The following UNC13C variants were observed in gnomAD, a reference collection of about 807,000 sequenced individuals.
UNC13C encodes protein unc-13 homolog C.
In UNC13C, 174 loss-of-function variants were observed where a neutral mutation model predicts 245.4. That is an observed-to-expected ratio of 0.71 (90% CI 0.63 to 0.80). The LOEUF is 0.80. UNC13C is among the 30% of genes least tolerant of loss of function. The pLI is 0.00. For synonymous variants in UNC13C, 992 were observed against 895.1 expected (o/e 1.11, Z -1.93); for missense variants, 2,829 against 2,602.9 (o/e 1.09, Z -1.89).
intron 19 of UNC13C, among the ~76,000 whole-genome samples, chr15:54,459,432 T>C (rs1294091117): frequency 2.6e-5 from 4 of 152,172 alleles, no homozygotes; most frequent in African/African-American, 9.6e-5. Flanking sequence ...TGTATTTGGA[T>C]GTGAAGATCT....
At chr15:53,868,447 T>A in the UNC13C span, among the ~76,000 whole-genome samples, 1 of 152,136 alleles carries the variant, frequency 6.6e-6, no homozygotes, top group Non-Finnish European at 1.5e-5. Context: ...CTTTGCTGGA[T>A]GTGGAGGTGA....
chr15:54,178,917 C>G (rs1011473613), intron 4 of UNC13C, among the ~76,000 whole-genome samples: 23 of 152,096 alleles, frequency 1.5e-4, no homozygotes, highest in Admixed American at 4.6e-4. Flanking sequence ...CTCATGATAT[C>G]TACCAAATTT....
chr15:54,203,582 G>A (rs943516738), intron 4 of UNC13C, among the ~76,000 whole-genome samples: 2 of 146,828 alleles, frequency 1.4e-5, no homozygotes, highest in African/African-American at 5.0e-5. Flanking sequence ...TTCATTGTGT[G>A]TATTCGATAT....
intron 19 of UNC13C, among the ~76,000 whole-genome samples, chr15:54,441,541 A>G (rs943919659): frequency 6.6e-6 from 1 of 152,010 alleles, no homozygotes; most frequent in Non-Finnish European, 1.5e-5. Context: ...ATTGTGTTCC[A>G]TTGTTCTATG....
intron 2 of UNC13C, among the ~76,000 whole-genome samples, chr15:54,133,246 G>A (rs4774686): frequency 0.024 from 3,721 of 151,890 alleles, 153 homozygotes; most frequent in African/African-American, 0.08. Context: ...ACATGTTTCC[G>A]TAGATTACGT....
At chr15:53,967,745 AG>A in the UNC13C span, among the ~76,000 whole-genome samples, 1 of 152,226 alleles carries the variant, frequency 6.6e-6, no homozygotes, top group African/African-American at 2.4e-5. Flanking sequence ...CTTTTGCTTT[AG>A]TGAAGTATTT....
chr15:54,437,869 G>C (rs1890308434), intron 19 of UNC13C, among the ~76,000 whole-genome samples: 1 of 151,876 alleles, frequency 6.6e-6, no homozygotes, highest in Admixed American at 6.6e-5. Context: ...TTTTAAGTAA[G>C]GTACTTACAA....
chr15:54,382,226 C>T (rs975034015), intron 17 of UNC13C, among the ~76,000 whole-genome samples: 3 of 152,076 alleles, frequency 2.0e-5, no homozygotes, highest in African/African-American at 7.2e-5. Context: ...ATATTAATTT[C>T]TGCAGGACAT....
At chr15:54,624,735 A>T (rs900774483) in intron 32 of UNC13C, among the ~76,000 whole-genome samples, 1 of 152,180 alleles carries the variant, frequency 6.6e-6, no homozygotes, top group Non-Finnish European at 1.5e-5. Flanking sequence ...GATGGAGAAG[A>T]TTCTGTATCA....
intron 2 of UNC13C, among the ~76,000 whole-genome samples, chr15:54,132,074 C>CTTTTTTTTTCTTTTTCTTTTT (rs6145565): frequency 2.7e-5 from 3 of 110,668 alleles, no homozygotes; most frequent in African/African-American, 6.4e-5. Context: ...TTTTCTTTTT[C>CTTTTTTTTTCTTTTTCTTTTT]TTTTTTTTTT....
At chr15:54,580,953 TA>T (rs1250809745) in intron 30 of UNC13C, among the ~76,000 whole-genome samples, 6 of 152,152 alleles carry the variant, frequency 3.9e-5, no homozygotes, top group Non-Finnish European at 2.9e-5. Context: ...ATCATATATT[TA>T]TTGAACCTGT....
In UNC13C at chr15:54,510,120, A is replaced by G. The variant is rs192191378; in HGVS notation, c.5380-1633A>G. Among the ~76,000 whole-genome samples, 243 of 152,288 alleles carry G rather than the reference A, an allele frequency of 1.6e-3. 1 individual carries two copies. Among genetic ancestry groups the G allele is most frequent in the Middle Eastern group, 0.014 (4 of 294 alleles). The stretch of plus-strand genomic sequence containing the variant: ...AAAGATTAGCTTGAATGTTAATATC[A>G]AATAATCTAAGAAGAGTCTATCAAG... On this transcript the variant is annotated intron_variant, in intron 23 of 32. Coordinates refer to ENST00000260323, the MANE Select transcript of UNC13C (RefSeq NM_001080534.3).
intron 4 of UNC13C, among the ~76,000 whole-genome samples, chr15:54,233,420 C>T (rs2035605097): frequency 6.6e-6 from 1 of 152,162 alleles, no homozygotes; most frequent in African/African-American, 2.4e-5. Context: ...ATAATTTGCT[C>T]ATCCTTGACA....
chr15:54,457,820 C>T (rs184087556), intron 19 of UNC13C, among the ~76,000 whole-genome samples: 1 of 150,186 alleles, frequency 6.7e-6, no homozygotes, highest in East Asian at 1.9e-4. Flanking sequence ...TCTTTTTAAA[C>T]AACCAGGTTT....
chr15:54,379,814 C>A (rs187426375), intron 17 of UNC13C, among the ~76,000 whole-genome samples: 1 of 152,226 alleles, frequency 6.6e-6, no homozygotes, highest in African/African-American at 2.4e-5. Context: ...GCAATTCACA[C>A]TTTGCTCAGG....
At chr15:54,310,760 ATAT>A in intron 13 of UNC13C, among the ~76,000 whole-genome samples, 1 of 123,622 alleles carries the variant, frequency 8.1e-6, no homozygotes, top group African/African-American at 2.7e-5. Flanking sequence ...ATCTATATCT[ATAT>A]CTATATCTAT....
intron 10 of UNC13C, among the ~76,000 whole-genome samples, chr15:54,279,930 A>G (rs1279106464): frequency 1.3e-5 from 2 of 152,180 alleles, no homozygotes; most frequent in Admixed American, 1.3e-4. Flanking sequence ...GTTTTCAATG[A>G]TCTCATCAGC....
chr15:53,891,792 G>A, the UNC13C span, among the ~76,000 whole-genome samples: 12 of 152,262 alleles, frequency 7.9e-5, no homozygotes, highest in South Asian at 2.1e-4. Flanking sequence ...ACAGCACACC[G>A]ATGGGTCTTG....
At chr15:53,982,513 G>A (rs1487851698) in intron 1 of UNC13C, among the ~76,000 whole-genome samples, 1 of 152,064 alleles carries the variant, frequency 6.6e-6, no homozygotes, top group Non-Finnish European at 1.5e-5. Context: ...TATGGTCTCA[G>A]AATAACTGGA....
Sources: gnomAD v4.1 joint callset for allele counts (sites outside exome capture counted in the v4.1 genomes callset) on GRCh38, gnomAD v4.1.1 for gene constraint, MANE v1.5 for transcripts, NCBI Gene and HGNC (gene_info 2026-07-23, HGNC 2026-07-21) for gene names.